Variants in SVEP1 observed in about 807,000 individuals in gnomAD.
SVEP1 encodes the protein sushi, von Willebrand factor type A, EGF and pentraxin domain containing 1.
In SVEP1, 164 loss-of-function variants were observed where a neutral mutation model predicts 367.3. The observed-to-expected ratio is 0.45, with a 90% CI of 0.39 to 0.51. SVEP1 has a LOEUF of 0.51. Ranked by LOEUF, SVEP1 falls within the 20% of genes least tolerant of loss-of-function variation. The pLI is 0.00. For missense variants in SVEP1, 4,117 were observed against 4,425.3 expected, an observed-to-expected ratio of 0.93 and a Z score of 1.98; for synonymous variants, 1,666 against 1,611.6, an observed-to-expected ratio of 1.03 and a Z score of -0.81.
chr9:110,463,843 TC>T (rs1443430209), intron 18 of SVEP1, among the ~76,000 whole-genome samples: 1 of 152,110 alleles, frequency 6.6e-6, no homozygotes. Context: ...AAAATGTTTA[TC>T]CAGCACCGCA....
intron 23 of SVEP1, among the ~76,000 whole-genome samples, chr9:110,450,541 C>T (rs900634596): frequency 6.8e-6 from 1 of 146,070 alleles, no homozygotes; most frequent in African/African-American, 2.5e-5. Context: ...GCGATCTCGG[C>T]TCACTGCAAC....
chr9:110,393,947 C>T (rs1827712054), intron 40 of SVEP1, among the ~76,000 whole-genome samples: 1 of 152,320 alleles, frequency 6.6e-6, no homozygotes, highest in African/African-American at 2.4e-5. Flanking sequence ...CACAGACAAA[C>T]AAAAAGACGG....
At chr9:110,428,819 C>A (rs1177102049) in intron 35 of SVEP1, among the ~76,000 whole-genome samples, 1 of 152,116 alleles carries the variant, frequency 6.6e-6, no homozygotes, top group Non-Finnish European at 1.5e-5. Context: ...ACCTGTAATT[C>A]CAGCACTTTG....
chr9:110,498,981 T>C (rs1382723551), intron 7 of SVEP1, 60 bp downstream of exon 7: 21 of 1,481,644 alleles, frequency 1.4e-5, no homozygotes, highest in Non-Finnish European at 1.9e-5. Context: ...TGTCCTATAC[T>C]GCACCCATAT....
chr9:110,440,796 T>C (rs1467771395), intron 27 of SVEP1, among the ~76,000 whole-genome samples: 6 of 152,210 alleles, frequency 3.9e-5, no homozygotes, highest in African/African-American at 1.4e-4. Flanking sequence ...CCACATCCCC[T>C]GAGGTCCCCT....
intron 37 of SVEP1, 115 bp downstream of exon 37, chr9:110,410,948 G>T: frequency 1.2e-6 from 1 of 864,484 alleles, no homozygotes; most frequent in Non-Finnish European, 1.7e-6. Flanking sequence ...GTAAATTCCA[G>T]TTTCCATGCC....
intron 1 of SVEP1, among the ~76,000 whole-genome samples, chr9:110,573,949 AG>A (rs1281317487): frequency 6.6e-6 from 1 of 152,204 alleles, no homozygotes; most frequent in Non-Finnish European, 1.5e-5. Flanking sequence ...GAAGAGTGCT[AG>A]GGGGTGGTTC....
rs1286284942 is a variant in SVEP1 at position 110,479,630 on chromosome 9, T to G, written c.2487+5A>C. ...ACACACAATAAATGACCACTATTGA[T>G]GTACCATTTTTCCCAGGGTCGTCTC... On this transcript the variant is annotated splice_donor_5th_base_variant and intron_variant, in intron 13 of 47. Transcript: ENST00000374469. The G allele has an allele frequency of 1.2e-6, 2 of 1,602,370 alleles. No homozygotes were observed. The highest frequency in any genetic ancestry group is 2.7e-5 in the African/African-American group (2 of 74,220).
intron 1 of SVEP1, among the ~76,000 whole-genome samples, chr9:110,569,654 C>T (rs1417229667): frequency 6.6e-6 from 1 of 152,102 alleles, no homozygotes; most frequent in African/African-American, 2.4e-5. Context: ...AAGAACTTCC[C>T]TTAAATTATT....
intron 14 of SVEP1, among the ~76,000 whole-genome samples, chr9:110,474,284 G>C (rs897467059): frequency 1.3e-5 from 2 of 152,306 alleles, no homozygotes; most frequent in East Asian, 3.9e-4. Flanking sequence ...ACAGGTGTGA[G>C]CCATCTTGCC....
At chr9:110,432,372 G>A (rs1371523236) in intron 31 of SVEP1, 90 bp downstream of exon 31, 3 of 1,461,442 alleles carry the variant, frequency 2.1e-6, no homozygotes, top group Non-Finnish European at 2.8e-6. Context: ...AGTTAACAAA[G>A]CAATGCCTCA....
In SVEP1 at chr9:110,408,748, G is replaced by C; in HGVS notation, c.6852C>G (p.Ser2284=). The change falls in exon 38 of 48, where the codon TCC becomes TCG. Residue 2284 remains serine, a synonymous_variant. Transcript: ENST00000374469. ...CCTCATTACAGAAAAACTGAACCTTGGACCCTACTTCAAAGTTTTCTCCTT... is the reference window on the plus strand; with the variant it reads ...CCTCATTACAGAAAAACTGAACCTTCGACCCTACTTCAAAGTTTTCTCCTT... ...FMKGENFEVG[S]KVQFFCNEGY... is the part of the protein sequence containing the mutation. The C allele has an allele frequency of 6.2e-7, 1 of 1,613,780 alleles. No homozygotes were observed. The highest frequency in any genetic ancestry group is 1.1e-5 in the South Asian group (1 of 91,078).
chr9:110,431,886 G>T (rs1297719077), intron 32 of SVEP1, 29 bp downstream of exon 32: 1 of 1,612,390 alleles, frequency 6.2e-7, no homozygotes, highest in Non-Finnish European at 8.5e-7. Context: ...ATGGAATTAG[G>T]AACTTTTAGT....
intron 31 of SVEP1, 89 bp downstream of exon 31, chr9:110,432,373 C>A: frequency 6.8e-7 from 1 of 1,466,358 alleles, no homozygotes; most frequent in Non-Finnish European, 9.2e-7. Context: ...GTTAACAAAG[C>A]AATGCCTCAA....
intron 46 of SVEP1, among the ~76,000 whole-genome samples, chr9:110,371,344 T>G (rs1196097444): frequency 6.6e-6 from 1 of 152,212 alleles, no homozygotes; most frequent in Non-Finnish European, 1.5e-5. Flanking sequence ...CTTCCTTGTC[T>G]AAAAGCTTAA....
intron 37 of SVEP1, 34 bp from the exon 38 acceptor site, chr9:110,408,985 T>C: frequency 6.6e-7 from 1 of 1,526,064 alleles, no homozygotes; most frequent in Non-Finnish European, 8.8e-7. Flanking sequence ...TGAGTGCGAT[T>C]TGTATAACAG....
chr9:110,366,512 TG>T lies in SVEP1; in HGVS notation c.*26del. ...TACCGAGGAGAGATGATCCTGCTTTTGGGAGAGCCAGATGGTCGTGCAGTGG... is the reference window on the plus strand; with the variant it reads ...TACCGAGGAGAGATGATCCTGCTTTTGGAGAGCCAGATGGTCGTGCAGTGG... On this transcript the variant is annotated 3_prime_UTR_variant, in exon 48 of 48. Transcript: ENST00000374469. 6.5e-7 allele frequency: 1 copy of T among 1,544,686 alleles called. No homozygotes were observed. The highest frequency in any genetic ancestry group is 2.1e-5 in the Admixed American group (1 of 46,806).
At chr9:110,370,552 G>A (rs1443487379) in intron 46 of SVEP1, among the ~76,000 whole-genome samples, 1 of 152,150 alleles carries the variant, frequency 6.6e-6, no homozygotes, top group African/African-American at 2.4e-5. Context: ...ACATCCCTTT[G>A]TGTTTGGAGA....
intron 47 of SVEP1, 39 bp from the exon 48 acceptor site, chr9:110,366,599 G>GA (rs1292942686): frequency 2.5e-5 from 37 of 1,500,538 alleles, no homozygotes; most frequent in Non-Finnish European, 3.3e-5. Flanking sequence ...AGATTCAAAA[G>GA]AAAAAATTGA....
Sources: gnomAD v4.1 joint callset for allele counts (sites outside exome capture counted in the v4.1 genomes callset) on GRCh38, gnomAD v4.1.1 for gene constraint, MANE v1.5 for transcripts, NCBI Gene and HGNC (gene_info 2026-07-23, HGNC 2026-07-21) for gene names.